The following SLC36A1 variants were observed in gnomAD, a reference collection of about 807,000 sequenced individuals.
The protein encoded by SLC36A1 is solute carrier family 36 member 1, also known as proton-coupled amino acid transporter 1.
In SLC36A1, 30 loss-of-function variants were observed where a neutral mutation model predicts 47.5. The observed-to-expected ratio is 0.63, with a 90% CI of 0.47 to 0.86. The LOEUF is 0.86. Ranked by LOEUF, SLC36A1 falls within the 40% of genes least tolerant of loss-of-function variation. The probability of loss-of-function intolerance (pLI) is 0.00; values close to 1 mark genes in which losing one functional copy is unlikely to be tolerated. For missense variants in SLC36A1, 517 were observed against 606.0 expected (o/e 0.85, Z 1.54); for synonymous variants, 255 against 249.7 (o/e 1.02, Z -0.20).
chr5:151,547,919 C>T, the SLC36A1 span, among the ~76,000 whole-genome samples: 15 of 152,120 alleles, frequency 9.9e-5, no homozygotes, highest in South Asian at 6.2e-4. Context: ...CTGTATTTTT[C>T]GTGTTTTCAA....
chr5:151,414,002 C>T, the SLC36A1 span, among the ~76,000 whole-genome samples: 1 of 152,002 alleles, frequency 6.6e-6, no homozygotes, highest in African/African-American at 2.4e-5. Context: ...ATGTACAGAC[C>T]TATTTGCTCA....
chr5:151,405,325 G>A, the SLC36A1 span, among the ~76,000 whole-genome samples: 1 of 144,384 alleles, frequency 6.9e-6, no homozygotes, highest in African/African-American at 2.6e-5. Context: ...TTTCTCTTAA[G>A]TCTCTCCCTC....
upstream of SLC36A1, among the ~76,000 whole-genome samples, chr5:151,434,967 G>A (rs892615362): frequency 1.3e-5 from 2 of 152,148 alleles, no homozygotes; most frequent in Admixed American, 6.6e-5. Context: ...AATCAGACTC[G>A]CAGAAGAAAA....
At chr5:151,517,901 G>A in the SLC36A1 span, 5 of 1,059,428 alleles carry the variant, frequency 4.7e-6, no homozygotes, top group African/African-American at 1.6e-5. Context: ...AACTAGGCTG[G>A]GTGTGGGGTG....
At chr5:151,389,858 G>A in the SLC36A1 span, among the ~76,000 whole-genome samples, 19 of 151,856 alleles carry the variant, frequency 1.3e-4, no homozygotes, top group Non-Finnish European at 1.8e-4. Flanking sequence ...GAATAGTGCC[G>A]CAATAAACAT....
At chr5:151,479,715 A>G in intron 10 of SLC36A1, 1 of 560,566 alleles carries the variant, frequency 1.8e-6, no homozygotes, top group East Asian at 2.9e-5. Context: ...TGGTTTATGT[A>G]TAGATAGGGT....
At chr5:151,417,818 T>C in the SLC36A1 span, among the ~76,000 whole-genome samples, 1 of 152,224 alleles carries the variant, frequency 6.6e-6, no homozygotes, top group Non-Finnish European at 1.5e-5. Context: ...AGGAGCCAAA[T>C]GTTAATCACC....
Position 151,492,038 on chromosome 5 carries a change from G to A in SLC36A1, c.*3784G>A, listed in dbSNP as rs1760166324. ...GCTGGTAGGAGGTTATCAGAGTAAGGAAGGTAGCAGATATAGGTGCAGGGT... is the reference window on the plus strand; with the variant it reads ...GCTGGTAGGAGGTTATCAGAGTAAGAAAGGTAGCAGATATAGGTGCAGGGT... On this transcript the variant is annotated 3_prime_UTR_variant, in exon 11 of 11. Transcript: ENST00000243389. The A allele has an allele frequency of 1.3e-5, 2 of 152,238 alleles. No homozygotes were observed. The highest frequency in any genetic ancestry group is 1.3e-4 in the Admixed American group (2 of 15,282). The allele number at this position is 152,238 out of a possible 1,614,324, so 9.4% of individuals were successfully genotyped here.
chr5:151,409,353 G>T, the SLC36A1 span, among the ~76,000 whole-genome samples: 1 of 152,112 alleles, frequency 6.6e-6, no homozygotes, highest in Admixed American at 6.6e-5. Flanking sequence ...GGGCCCTCAG[G>T]AGGCAAAGAC....
the SLC36A1 span, among the ~76,000 whole-genome samples, chr5:151,353,709 C>T: frequency 6.6e-6 from 1 of 152,284 alleles, no homozygotes; most frequent in East Asian, 1.9e-4. Context: ...CATCTGTGCT[C>T]TACCTGTTCA....
chr5:151,480,992 G>A (rs1758717584), intron 10 of SLC36A1, among the ~76,000 whole-genome samples: 1 of 152,162 alleles, frequency 6.6e-6, no homozygotes, highest in Admixed American at 6.5e-5. Context: ...ACAGGAGCCT[G>A]ACTCCTCTCC....
chr5:151,395,885 C>G, the SLC36A1 span, among the ~76,000 whole-genome samples: 1 of 152,154 alleles, frequency 6.6e-6, no homozygotes, highest in Non-Finnish European at 1.5e-5. Flanking sequence ...TCTGGGCTCA[C>G]TGCAACCTCC....
Position 151,467,296 on chromosome 5 carries a change from T to TAA in SLC36A1, c.504+13_504+14insAA. On this transcript the variant is annotated intron_variant, in intron 6 of 10. Coordinates refer to ENST00000243389, the MANE Select transcript of SLC36A1 (RefSeq NM_078483.4). ...CAACTTTAAACAGGTAGGCACCTGG[T>TAA]TAAAAAAGAAAAAAAAAAAAAAAAC... 2 of 1,380,072 alleles carry TAA rather than the reference T, an allele frequency of 1.4e-6. No individual in the cohort carries two copies. The highest frequency in any genetic ancestry group is 1.9e-6 in the Non-Finnish European group (2 of 1,029,728). The allele number at this position is 1,380,072 out of a possible 1,614,324, so 85.5% of individuals were successfully genotyped here.
At chr5:151,479,890 C>A (rs574456273) in intron 10 of SLC36A1, 2 of 518,546 alleles carry the variant, frequency 3.9e-6, no homozygotes, top group African/African-American at 3.9e-5. Flanking sequence ...TGTTTTTCCA[C>A]TGTGACAAGT....
the SLC36A1 span, chr5:151,522,138 C>T: frequency 0.093 from 131,489 of 1,410,692 alleles, 6,606 homozygotes; most frequent in African/African-American, 0.16. Flanking sequence ...AGTGCTCTTG[C>T]GCCCGACTGA....
intron 9 of SLC36A1, chr5:151,477,098 G>C (rs1403393563): frequency 2.6e-6 from 1 of 385,208 alleles, no homozygotes; most frequent in African/African-American, 2.1e-5. Flanking sequence ...TTGATTCCCA[G>C]CATCGGTTGT....
upstream of SLC36A1, among the ~76,000 whole-genome samples, chr5:151,436,821 TCTC>T (rs1342576379): frequency 5.9e-5 from 9 of 152,060 alleles, no homozygotes; most frequent in South Asian, 1.9e-3. Flanking sequence ...GAGCTGAACT[TCTC>T]CTATTCATTT....
At chr5:151,512,324 C>T in the SLC36A1 span, 5 of 1,614,126 alleles carry the variant, frequency 3.1e-6, no homozygotes, top group Non-Finnish European at 4.2e-6. The surrounding 1 kb of genome is among the most constrained non-coding windows in gnomAD (Gnocchi z 4.1). Context: ...TTGACCACGA[C>T]AGCATCCAGG....
At chr5:151,409,501 TCTC>T in the SLC36A1 span, among the ~76,000 whole-genome samples, 1 of 152,152 alleles carries the variant, frequency 6.6e-6, no homozygotes, top group Non-Finnish European at 1.5e-5. Context: ...GGCGTTTTGG[TCTC>T]CTCACATGAT....
Sources: allele counts gnomAD v4.1 joint callset (sites outside exome capture counted in the v4.1 genomes callset), GRCh38; gene constraint gnomAD v4.1.1; non-coding constraint Gnocchi (gnomAD v3.1); transcripts MANE v1.5; gene names NCBI Gene and HGNC (gene_info 2026-07-23, HGNC 2026-07-21).